Variants in XKR4 observed in about 807,000 individuals in gnomAD.
XKR4 encodes the protein XK related 4.
A neutral mutation model predicts 53.9 loss-of-function variants in XKR4; 12 were observed. The observed-to-expected ratio is 0.22, with a 90% confidence interval of 0.14 to 0.36. The LOEUF (loss-of-function observed/expected upper bound fraction) is 0.36. Ranked by LOEUF, XKR4 falls within the 10% of genes least tolerant of loss-of-function variation. The pLI is 1.00. For missense variants in XKR4, 799 were observed against 859.5 expected (o/e 0.93, Z 0.88); for synonymous variants, 354 against 362.4 (o/e 0.98, Z 0.26).
chr8:55,367,818 C>A (rs1804014247), intron 2 of XKR4, among the ~76,000 whole-genome samples: 1 of 152,186 alleles, frequency 6.6e-6, no homozygotes, highest in Admixed American at 6.5e-5. Flanking sequence ...ATCCGACCAC[C>A]CTTTGCTGCC....
chr8:55,219,149 C>T (rs1463438109), intron 1 of XKR4, among the ~76,000 whole-genome samples: 1 of 152,164 alleles, frequency 6.6e-6, no homozygotes, highest in Non-Finnish European at 1.5e-5. Context: ...GCTCAGTTCT[C>T]ATCATCTCTC....
At chr8:55,335,518 A>G (rs1240409657) in intron 1 of XKR4, among the ~76,000 whole-genome samples, 2 of 152,198 alleles carry the variant, frequency 1.3e-5, no homozygotes, top group South Asian at 2.1e-4. Flanking sequence ...AATAATGTCA[A>G]TGTCTTAGAG....
At chr8:55,264,577 A>C (rs193243570) in intron 1 of XKR4, among the ~76,000 whole-genome samples, 1 of 152,310 alleles carries the variant, frequency 6.6e-6, no homozygotes, top group African/African-American at 2.4e-5. Context: ...TCTAAGCCAC[A>C]TTTCGTACCT....
chr8:55,255,100 C>T (rs998464694), intron 1 of XKR4, among the ~76,000 whole-genome samples: 4 of 152,132 alleles, frequency 2.6e-5, no homozygotes, highest in African/African-American at 7.2e-5. Flanking sequence ...GCAAAATTTC[C>T]AGTAAATACC....
intron 2 of XKR4, among the ~76,000 whole-genome samples, chr8:55,416,160 G>A (rs563765854): frequency 2.0e-5 from 3 of 152,290 alleles, no homozygotes; most frequent in East Asian, 3.9e-4. Flanking sequence ...TCTAAAGGGA[G>A]GCACTGGAAG....
intron 2 of XKR4, among the ~76,000 whole-genome samples, chr8:55,443,343 C>T (rs953340950): frequency 6.5e-4 from 98 of 151,138 alleles, no homozygotes; most frequent in Middle Eastern, 3.4e-3. Flanking sequence ...AATGGAGGCA[C>T]ATCTCAATAG....
At chr8:55,309,803 A>G (rs1412027230) in intron 1 of XKR4, among the ~76,000 whole-genome samples, 2 of 152,226 alleles carry the variant, frequency 1.3e-5, no homozygotes, top group African/African-American at 4.8e-5. Context: ...GCTGCTTATT[A>G]TAGCCACGAC....
intron 1 of XKR4, among the ~76,000 whole-genome samples, chr8:55,104,129 A>T (rs971882708): frequency 6.6e-6 from 1 of 152,070 alleles, no homozygotes; most frequent in Non-Finnish European, 1.5e-5. Context: ...TATAAACTGG[A>T]ATACAAGGCT....
At position 55,451,197 on chromosome 8, in the gene XKR4, G is replaced by T. The variant is rs1017774200; in HGVS notation, c.1007-72084G>T. On this transcript the variant is annotated intron_variant, in intron 2 of 2. Transcript: ENST00000327381. Reference sequence around the variant, plus strand: ...CCCGTTGGCCTGGGGTGGGGCCATCGCCTCTCTGCCAGCTAGCTGGGAGCC... The same window carrying T: ...CCCGTTGGCCTGGGGTGGGGCCATCTCCTCTCTGCCAGCTAGCTGGGAGCC... The T allele has an allele frequency of 7.2e-6, 4 of 555,308 alleles. No individual in the cohort carries two copies. The East Asian group carries it at 1.3e-4, about 18-fold the overall frequency. The allele number at this position is 555,308 out of a possible 1,614,324, so 34.4% of individuals were successfully genotyped here. A position where few individuals can be genotyped will look rare whatever the true frequency, so the allele number is the denominator to read the frequency against.
At chr8:55,214,554 A>G (rs1817775863) in intron 1 of XKR4, among the ~76,000 whole-genome samples, 1 of 152,236 alleles carries the variant, frequency 6.6e-6, no homozygotes, top group African/African-American at 2.4e-5. Flanking sequence ...CATGGACATC[A>G]CCAAAATATA....
chr8:55,414,549 C>T (rs938457601), intron 2 of XKR4, among the ~76,000 whole-genome samples: 10 of 149,110 alleles, frequency 6.7e-5, no homozygotes, highest in African/African-American at 2.4e-4. Flanking sequence ...ATATAGAGAT[C>T]TCTATGTTGA....
chr8:55,194,535 G>C (rs185671203), intron 1 of XKR4, among the ~76,000 whole-genome samples: 1 of 152,158 alleles, frequency 6.6e-6, no homozygotes, highest in Non-Finnish European at 1.5e-5. Flanking sequence ...TTAAGGCAGC[G>C]GTCTTCAAAC....
chr8:55,490,983 T>C (rs1206932921), intron 2 of XKR4, among the ~76,000 whole-genome samples: 1 of 151,818 alleles, frequency 6.6e-6, no homozygotes, highest in Non-Finnish European at 1.5e-5. Flanking sequence ...GACAGTTTGC[T>C]ATTGTTTCAT....
intron 1 of XKR4, among the ~76,000 whole-genome samples, chr8:55,194,178 C>A (rs1309861252): frequency 1.3e-5 from 2 of 152,138 alleles, no homozygotes; most frequent in East Asian, 3.9e-4. Context: ...GTTTCTTAGC[C>A]CACAGGGCAT....
intron 1 of XKR4, among the ~76,000 whole-genome samples, chr8:55,132,451 T>G (rs1233720467): frequency 1.3e-5 from 2 of 152,130 alleles, no homozygotes; most frequent in African/African-American, 2.4e-5. Context: ...TGTAAGAGAT[T>G]AACAATAATA....
intron 1 of XKR4, among the ~76,000 whole-genome samples, chr8:55,189,066 G>A (rs1435859747): frequency 2.6e-5 from 4 of 152,184 alleles, no homozygotes; most frequent in African/African-American, 4.8e-5. Flanking sequence ...AGATAAACAG[G>A]ATTGGAGTCT....
At chr8:55,144,017 T>C (rs1563467405) in intron 1 of XKR4, among the ~76,000 whole-genome samples, 1 of 152,214 alleles carries the variant, frequency 6.6e-6, no homozygotes, top group African/African-American at 2.4e-5. Flanking sequence ...TCTCCCCTAA[T>C]TCAAATCCTC....
At chr8:55,151,797 TTAAA>T (rs1277252705) in intron 1 of XKR4, among the ~76,000 whole-genome samples, 2 of 152,310 alleles carry the variant, frequency 1.3e-5, no homozygotes, top group South Asian at 4.1e-4. Flanking sequence ...CCTCATATCA[TTAAA>T]TAGTTATCAA....
intron 1 of XKR4, among the ~76,000 whole-genome samples, chr8:55,249,266 A>C (rs1818333313): frequency 6.6e-6 from 1 of 152,228 alleles, no homozygotes; most frequent in Non-Finnish European, 1.5e-5. Flanking sequence ...CACTGGAGAC[A>C]AAGCAATGAC....
Sources: gnomAD v4.1 joint callset for allele counts (sites outside exome capture counted in the v4.1 genomes callset) on GRCh38, gnomAD v4.1.1 for gene constraint, MANE v1.5 for transcripts, NCBI Gene and HGNC (gene_info 2026-07-23, HGNC 2026-07-21) for gene names.